The following EML1 variants were observed in gnomAD, a reference collection of about 807,000 sequenced individuals.
EML1 encodes the protein echinoderm microtubule-associated protein-like 1.
A neutral mutation model predicts 110.4 loss-of-function variants in EML1; 27 were observed. The ratio of observed to expected loss-of-function variants is 0.24; its 90% confidence interval spans 0.18 to 0.34. The LOEUF (loss-of-function observed/expected upper bound fraction) is 0.34. Among genes scored for constraint, EML1 ranks in the 10% least tolerant of loss-of-function variants. The probability of loss-of-function intolerance (pLI) is 1.00; values close to 1 mark genes in which losing one functional copy is unlikely to be tolerated. For missense variants in EML1, 741 were observed against 1,030.9 expected, an observed-to-expected ratio of 0.72 and a Z score of 3.85; for synonymous variants, 344 against 385.8, an observed-to-expected ratio of 0.89 and a Z score of 1.27.
chr14:99,917,601 C>T (rs138549047), intron 15 of EML1, among the ~76,000 whole-genome samples, 181 bp from the exon 16 acceptor site: 8 of 152,188 alleles, frequency 5.3e-5, no homozygotes, highest in African/African-American at 1.7e-4. Flanking sequence ...ATTATTGAAA[C>T]GCAGCATTCA....
At chr14:99,926,579 CT>C (rs1171319063) in intron 17 of EML1, among the ~76,000 whole-genome samples, 16 of 151,842 alleles carry the variant, frequency 1.1e-4, no homozygotes, top group Non-Finnish European at 2.1e-4. Flanking sequence ...GCCACTGCCC[CT>C]GGCAGCTCTT....
intron 1 of EML1, among the ~76,000 whole-genome samples, chr14:99,820,781 A>T (rs979039543): frequency 1.3e-5 from 2 of 152,064 alleles, no homozygotes; most frequent in African/African-American, 2.4e-5. Flanking sequence ...GTTGCTGTAA[A>T]CTGAACTGAA....
intron 3 of EML1, among the ~76,000 whole-genome samples, chr14:99,874,471 GTC>G (rs1340679133): frequency 6.6e-6 from 1 of 152,084 alleles, no homozygotes; most frequent in African/African-American, 2.4e-5. Context: ...TTCACTCGCC[GTC>G]CAGAGAGAAC....
At chr14:99,874,414 C>T (rs1405568966) in intron 3 of EML1, among the ~76,000 whole-genome samples, 1 of 152,322 alleles carries the variant, frequency 6.6e-6, no homozygotes, top group East Asian at 1.9e-4. Context: ...TGCACAGTCT[C>T]TCACAAGCCA....
chr14:99,841,413 G>A (rs1469835984), intron 1 of EML1, among the ~76,000 whole-genome samples: 5 of 152,080 alleles, frequency 3.3e-5, no homozygotes, highest in African/African-American at 9.7e-5. Flanking sequence ...TTTCATACAC[G>A]CTAACATTCA....
upstream of EML1, chr14:99,792,703 G>A (rs1483185290): frequency 6.6e-6 from 1 of 152,272 alleles, no homozygotes; most frequent in African/African-American, 2.4e-5. Flanking sequence ...GCTGCGTCGA[G>A]TCCTCAACAC....
intron 1 of EML1, among the ~76,000 whole-genome samples, chr14:99,766,194 CTTTTTTTTTT>C: frequency 7.7e-6 from 1 of 129,868 alleles, no homozygotes; most frequent in South Asian, 2.5e-4. Context: ...TAAACTTTTA[CTTTTTTTTTT>C]TTTTTTTTGA....
At chr14:99,819,797 G>A (rs1207165526) in intron 1 of EML1, among the ~76,000 whole-genome samples, 1 of 152,224 alleles carries the variant, frequency 6.6e-6, no homozygotes, top group Non-Finnish European at 1.5e-5. Context: ...TCAGTGAAGC[G>A]CCCAGGCCCA....
intron 4 of EML1, among the ~76,000 whole-genome samples, chr14:99,881,594 C>A (rs533690324): frequency 1.5e-5 from 2 of 134,880 alleles, no homozygotes; most frequent in Non-Finnish European, 3.1e-5. Flanking sequence ...AAACTATATT[C>A]TTTTTCTTTT....
chr14:99,812,315 A>G (rs1336254132), intron 1 of EML1, among the ~76,000 whole-genome samples: 2 of 151,836 alleles, frequency 1.3e-5, no homozygotes, highest in Non-Finnish European at 2.9e-5. Context: ...AAAGACATTC[A>G]TGAGGCTGTC....
intron 1 of EML1, among the ~76,000 whole-genome samples, chr14:99,754,719 G>A (rs957558932): frequency 1.3e-5 from 2 of 152,198 alleles, no homozygotes; most frequent in Non-Finnish European, 2.9e-5. Flanking sequence ...TACCAGCTGC[G>A]TTATCTCAGC....
chr14:99,788,870 G>C (rs968008443), upstream of EML1, among the ~76,000 whole-genome samples: 4 of 152,126 alleles, frequency 2.6e-5, no homozygotes, highest in African/African-American at 4.8e-5. Context: ...CTGTCTCTAT[G>C]AATTTGACAA....
intron 1 of EML1, among the ~76,000 whole-genome samples, chr14:99,829,021 G>C (rs2058405751): frequency 6.6e-6 from 1 of 152,118 alleles, no homozygotes; most frequent in Non-Finnish European, 1.5e-5. Flanking sequence ...AACCAGTGTT[G>C]TTCAACTGTC....
chr14:99,912,206 G>C (rs1324451918), intron 13 of EML1, among the ~76,000 whole-genome samples: 1 of 152,108 alleles, frequency 6.6e-6, no homozygotes, highest in Non-Finnish European at 1.5e-5. Context: ...TTTCTAGCAT[G>C]TTATTTTGGA....
intron 17 of EML1, among the ~76,000 whole-genome samples, chr14:99,931,720 T>C (rs1004691189): frequency 2.0e-5 from 3 of 152,220 alleles, no homozygotes; most frequent in African/African-American, 7.2e-5. Flanking sequence ...AGGTTTCTTC[T>C]GGCCTCTGGT....
intron 9 of EML1, among the ~76,000 whole-genome samples, chr14:99,903,964 A>T (rs1566929032): frequency 6.6e-6 from 1 of 151,882 alleles, no homozygotes; most frequent in African/African-American, 2.4e-5. Context: ...TTGTATTTTT[A>T]GTAGAGACGG....
chr14:99,911,210 C>T (rs1027747896), intron 12 of EML1, among the ~76,000 whole-genome samples: 5 of 152,160 alleles, frequency 3.3e-5, no homozygotes, highest in African/African-American at 1.2e-4. Flanking sequence ...GCGGCTTCAA[C>T]AATGCATATT....
At chr14:99,868,649 G>A (rs1020257022) in intron 3 of EML1, among the ~76,000 whole-genome samples, 7 of 151,718 alleles carry the variant, frequency 4.6e-5, no homozygotes, top group African/African-American at 1.5e-4. Context: ...TGTTATATCC[G>A]TTGTAATGTC....
chr14:99,753,206 C>T (rs1488854095), intron 1 of EML1, among the ~76,000 whole-genome samples: 15 of 131,738 alleles, frequency 1.1e-4, no homozygotes, highest in African/African-American at 2.8e-4. Context: ...GCCCCCCCGC[C>T]GCCCCCCCAC....
Sources: allele counts gnomAD v4.1 joint callset (sites outside exome capture counted in the v4.1 genomes callset), GRCh38; gene constraint gnomAD v4.1.1; transcripts MANE v1.5; gene names NCBI Gene and HGNC (gene_info 2026-07-23, HGNC 2026-07-21).